The following LHX9 variants were observed in gnomAD, a reference collection of about 807,000 sequenced individuals.
LHX9 encodes LIM/homeobox protein Lhx9.
In LHX9, 9 loss-of-function variants were observed where a neutral mutation model predicts 36.5. The observed-to-expected ratio is 0.25, with a 90% CI of 0.15 to 0.43. The LOEUF is 0.43. Among genes scored for constraint, LHX9 ranks in the 20% least tolerant of loss-of-function variants. LHX9 has a pLI of 1.00. For synonymous variants in LHX9, 211 were observed against 212.1 expected, an observed-to-expected ratio of 0.99 and a Z score of 0.04; for missense variants, 464 against 526.4, an observed-to-expected ratio of 0.88 and a Z score of 1.16.
In LHX9 at chr1:197,933,239, CT is replaced by C. The variant is rs1660369960; in HGVS notation, c.*3984del. The C allele has an allele frequency of 6.6e-6, 1 of 151,836 alleles. No individual in the cohort carries two copies. The highest frequency in any genetic ancestry group is 1.5e-5 in the Non-Finnish European group (1 of 67,940). The allele number at this position is 151,836 out of a possible 1,614,324, so 9.4% of individuals were successfully genotyped here. On this transcript the variant is annotated 3_prime_UTR_variant, in exon 5 of 5. Coordinates refer to ENST00000367387, the MANE Select transcript of LHX9 (RefSeq NM_020204.3). ...AATGAACCCTATGTAAATGATGTAA[CT>C]TTTATGAATGACAGACATTAAATAT...
intron 3 of LHX9, among the ~76,000 whole-genome samples, chr1:197,926,226 A>G (rs1660137235): frequency 6.6e-6 from 1 of 152,246 alleles, no homozygotes; most frequent in South Asian, 2.1e-4. Flanking sequence ...TATTAAGCAG[A>G]ACATTTTATT....
At position 197,934,419 on chromosome 1, in the gene LHX9, T is replaced by C. The variant is rs1442536553; in HGVS notation, c.*5160T>C. 1 of 152,206 alleles carries C rather than the reference T, an allele frequency of 6.6e-6. No homozygotes were observed. The highest frequency in any genetic ancestry group is 1.5e-5 in the Non-Finnish European group (1 of 68,022). The allele number at this position is 152,206 out of a possible 1,614,324, so 9.4% of individuals were successfully genotyped here. ...AAGAGAATATTAGGGATAATACTGTTGTAAAAAATAAATATAAACACCTAA... is the reference window on the plus strand; with the variant it reads ...AAGAGAATATTAGGGATAATACTGTCGTAAAAAATAAATATAAACACCTAA... On this transcript the variant is annotated 3_prime_UTR_variant, in exon 5 of 5. Transcript: ENST00000367387.
chr1:197,929,909 G>T lies in LHX9; in HGVS notation c.*650G>T. 3 of 971,476 alleles carry T rather than the reference G, an allele frequency of 3.1e-6. No homozygotes were observed. Among genetic ancestry groups the T allele is most frequent in the Non-Finnish European group, 3.7e-6 (3 of 817,244 alleles). 60.2% of individuals were successfully genotyped at this position (971,476 alleles called of 1,614,324 possible). On this transcript the variant is annotated 3_prime_UTR_variant, in exon 5 of 5. Transcript: ENST00000367387. ...GAATGTGACTTTTCCTTCTCTTAGG[G>T]GTGTACAACTCTAAAAACTTTTTAC... is the stretch of plus-strand genomic sequence containing the variant.
upstream of LHX9, chr1:197,916,237 G>A: frequency 6.0e-6 from 1 of 167,652 alleles, no homozygotes; most frequent in Non-Finnish European, 1.3e-5. Flanking sequence ...GGGAGGGGCC[G>A]CCGCTGCCGA....
Position 197,917,959 on chromosome 1 carries a change from C to T in LHX9, c.136C>T (p.Arg46Cys), listed in dbSNP as rs1170244333. The T allele has an allele frequency of 1.2e-6, 2 of 1,614,102 alleles. No individual in the cohort carries two copies. ...EMERRSKTEA[R>C]LAKGAQLNGR... ...GGAGCGCAGATCCAAGACTGAGGCCCGTCTGGCCAAAGGCGCCCAGCTCAA... is the reference window on the plus strand; with the variant it reads ...GGAGCGCAGATCCAAGACTGAGGCCTGTCTGGCCAAAGGCGCCCAGCTCAA... The change falls in exon 1 of 5, where the codon CGT becomes TGT. Residue 46 changes from arginine to cysteine, a missense_variant. Around this residue, in one of 5 missense-constraint regions of LHX9, gnomAD observed 119 missense variants for 102.4 expected, o/e 1.16. Transcript: ENST00000367387.
rs369071136 is a variant in LHX9, at chr1:197,922,221, T to G, written c.733+562T>G. ...AGGGGTGGGAATCACTCTCCACAGC[T>G]GAGCTAGCCTGTGTCTTTCCTAAGC... On this transcript the variant is annotated intron_variant, in intron 3 of 4. Coordinates refer to ENST00000367387, the MANE Select transcript of LHX9 (RefSeq NM_020204.3). Among the ~76,000 whole-genome samples, 66 of 152,282 alleles carry G rather than the reference T, an allele frequency of 4.3e-4. 1 individual carries two copies. In the South Asian group the frequency reaches 9.1e-3, roughly 21 times the overall value.
At position 197,931,689 on chromosome 1, in the gene LHX9, T is replaced by C. The variant is rs1660331627; in HGVS notation, c.*2430T>C. ...ACCTAGAAATACCTTTGAATATATT[T>C]GCTTATAACAAAAGTAATGCCCCAC... On this transcript the variant is annotated 3_prime_UTR_variant, in exon 5 of 5. Transcript: ENST00000367387. The C allele has an allele frequency of 2.4e-6, 1 of 416,050 alleles. No individual in the cohort carries two copies. Among genetic ancestry groups the C allele is most frequent in the Admixed American group, 3.9e-5 (1 of 25,668 alleles). The allele number at this position is 416,050 out of a possible 1,614,324, so 25.8% of individuals were successfully genotyped here.
Position 197,929,261 on chromosome 1 carries a change from A to T in LHX9, c.*2A>T. On this transcript the variant is annotated 3_prime_UTR_variant, in exon 5 of 5. Transcript: ENST00000367387. ...ACTACCTTAACAAACCTTTTCTAAC[A>T]TTGGTTTTTTTTTTTTAGTTTTTAA... 1 of 1,365,566 alleles carries T rather than the reference A, an allele frequency of 7.3e-7. No individual in the cohort carries two copies. 84.6% of individuals were successfully genotyped at this position (1,365,566 alleles called of 1,614,324 possible).
intron 3 of LHX9, among the ~76,000 whole-genome samples, chr1:197,923,885 G>A (rs2102598452): frequency 6.6e-6 from 1 of 152,236 alleles, no homozygotes; most frequent in Non-Finnish European, 1.5e-5. Context: ...CCCAAAGGAG[G>A]GAAAAATTGC....
chr1:197,928,613 T>G (rs1660219238), intron 4 of LHX9, among the ~76,000 whole-genome samples: 1 of 152,180 alleles, frequency 6.6e-6, no homozygotes, highest in African/African-American at 2.4e-5. Context: ...TTGCCATACT[T>G]TCAATGGCCC....
upstream of LHX9, among the ~76,000 whole-genome samples, chr1:197,913,445 A>G (rs1659671288): frequency 6.6e-6 from 1 of 152,140 alleles, no homozygotes; most frequent in Non-Finnish European, 1.5e-5. Flanking sequence ...ATCCCCTAGT[A>G]GGACTGAATC....
chr1:197,917,087 A>C (rs1039793366), upstream of LHX9: 2 of 170,018 alleles, frequency 1.2e-5, no homozygotes, highest in Non-Finnish European at 2.2e-5. Context: ...AACTCTTGGA[A>C]GGATGTGTGT....
intron 1 of LHX9, 87 bp from the exon 2 acceptor site, chr1:197,919,885 C>G: frequency 2.1e-6 from 3 of 1,404,590 alleles, no homozygotes; most frequent in Non-Finnish European, 3.0e-6. Flanking sequence ...CCTGCACACC[C>G]TGGGCTTGGT....
At chr1:197,920,297 A>T in intron 2 of LHX9, 123 bp downstream of exon 2, 1 of 716,768 alleles carries the variant, frequency 1.4e-6, no homozygotes, top group Non-Finnish European at 2.2e-6. Flanking sequence ...ATCATTTCGG[A>T]GACCAGGCAA....
upstream of LHX9, chr1:197,916,671 C>G (rs538929966): frequency 1.7e-5 from 12 of 702,746 alleles, no homozygotes; most frequent in Non-Finnish European, 2.3e-5. Context: ...CAAAAGTAAC[C>G]CTGAGAAATG....
In LHX9 at chr1:197,920,045, AT is replaced by A; in HGVS notation, c.249del (p.Leu84CysfsTer10). ...GCGGKISDRY[Y>X]LLAVDKQWHL... Reference sequence around the variant, plus strand: ...GGGGGCAAGATCTCGGACAGGTACTATCTGCTGGCTGTGGACAAACAGTGGC... The same window carrying A: ...GGGGGCAAGATCTCGGACAGGTACTACTGCTGGCTGTGGACAAACAGTGGC... On this transcript the variant is annotated frameshift_variant, in exon 2 of 5. Coordinates refer to ENST00000367387, the MANE Select transcript of LHX9 (RefSeq NM_020204.3). LOFTEE classifies it high-confidence loss of function. 1 of 1,614,266 alleles carries A rather than the reference AT, an allele frequency of 6.2e-7. No individual in the cohort carries two copies. The highest frequency in any genetic ancestry group is 8.5e-7 in the Non-Finnish European group (1 of 1,180,046).
chr1:197,933,959 C>T lies in LHX9; in HGVS notation c.*4700C>T, dbSNP rs1285815206. The T allele has an allele frequency of 6.6e-6, 1 of 152,158 alleles. No individual in the cohort carries two copies. The highest frequency in any genetic ancestry group is 2.4e-5 in the African/African-American group (1 of 41,440). 9.4% of individuals were successfully genotyped at this position (152,158 alleles called of 1,614,324 possible). A position where few individuals can be genotyped will look rare whatever the true frequency, so the allele number is the denominator to read the frequency against. ...GACACTAAATTTTCATAGCTTCTAC[C>T]TCCCAGTTGCCTGGGTTAGTCTAAC... On this transcript the variant is annotated 3_prime_UTR_variant, in exon 5 of 5. Transcript: ENST00000367387.
In LHX9 at chr1:197,921,266, G is replaced by T. The variant is rs139062645; in HGVS notation, c.378-38G>T. 10 of 1,566,028 alleles carry T rather than the reference G, an allele frequency of 6.4e-6. No individual in the cohort carries two copies. The highest frequency in any genetic ancestry group is 8.7e-6 in the Non-Finnish European group (10 of 1,150,846). ...CGCGGGTGGGATATGGCTCTGCCTT[G>T]CTTCAACTAGCGCCCTGACTCAACT... is the stretch of plus-strand genomic sequence containing the variant. On this transcript the variant is annotated intron_variant, in intron 2 of 4. Coordinates refer to ENST00000367387, the MANE Select transcript of LHX9 (RefSeq NM_020204.3). This position sits in a 1 kb window ranked among gnomAD's most constrained non-coding sequence, Gnocchi z 4.6.
In LHX9 at chr1:197,921,433, C is replaced by T. The variant is rs1464903379; in HGVS notation, c.507C>T (p.Thr169=). 1 of 1,614,222 alleles carries T rather than the reference C, an allele frequency of 6.2e-7. No homozygotes were observed. The highest frequency in any genetic ancestry group is 1.1e-5 in the South Asian group (1 of 91,078). The change falls in exon 3 of 5, where the codon ACC becomes ACT. Residue 169 remains threonine (T), a synonymous_variant. Transcript: ENST00000367387. This position sits in a 1 kb window ranked among gnomAD's most constrained non-coding sequence, Gnocchi z 4.6. ...GCTCCACTTGCAACAAGACTCTGAC[C>T]ACGGGCGACCATTTCGGCATGAAGG... ...FTCSTCNKTL[T]TGDHFGMKDS... is the part of the protein sequence containing the mutation.
Sources: allele counts gnomAD v4.1 joint callset (sites outside exome capture counted in the v4.1 genomes callset), GRCh38; gene constraint gnomAD v4.1.1; regional missense constraint gnomAD v4.1.1; non-coding constraint Gnocchi (gnomAD v3.1); transcripts MANE v1.5; gene names NCBI Gene and HGNC (gene_info 2026-07-23, HGNC 2026-07-21).